CDH13: variants seen among roughly 807,000 people sequenced by gnomAD.
The protein encoded by CDH13 is cadherin-13.
In CDH13, 24 loss-of-function variants were observed where a neutral mutation model predicts 63.8. The observed-to-expected ratio is 0.38, with a 90% CI of 0.27 to 0.53. The LOEUF (loss-of-function observed/expected upper bound fraction) is 0.53. Ranked by LOEUF, CDH13 falls within the 20% of genes least tolerant of loss-of-function variation. The pLI is 0.85. For missense variants in CDH13, 1,049 were observed against 903.1 expected, an observed-to-expected ratio of 1.16 and a Z score of -2.07; for synonymous variants, 503 against 355.3, an observed-to-expected ratio of 1.42 and a Z score of -4.67.
chr16:83,646,553 T>C (rs12444235), intron 8 of CDH13, among the ~76,000 whole-genome samples: 66,649 of 151,518 alleles, frequency 0.44, 14,828 homozygotes, highest in Admixed American at 0.48. Flanking sequence ...ATGTAAAACA[T>C]TAGCTGGGCG....
chr16:82,956,672 C>G (rs961098641), intron 2 of CDH13, among the ~76,000 whole-genome samples: 1 of 152,214 alleles, frequency 6.6e-6, no homozygotes, highest in Admixed American at 6.5e-5. Flanking sequence ...TTACCCACTC[C>G]CTTAGCAGAT....
intron 6 of CDH13, chr16:83,397,277 A>G (rs1343116575): frequency 2.0e-5 from 3 of 152,144 alleles, no homozygotes; most frequent in South Asian, 4.1e-4. Context: ...CACCACCACC[A>G]TTATACTGAA....
intron 5 of CDH13, among the ~76,000 whole-genome samples, chr16:83,272,600 G>A (rs548643998): frequency 1.3e-5 from 2 of 152,216 alleles, no homozygotes; most frequent in East Asian, 1.9e-4. Context: ...TCCTTACTGA[G>A]CTTCAGACCC....
intron 1 of CDH13, among the ~76,000 whole-genome samples, chr16:82,775,189 A>G (rs1422966871): frequency 6.6e-6 from 1 of 152,192 alleles, no homozygotes; most frequent in Non-Finnish European, 1.5e-5. Flanking sequence ...GTTGTGATAG[A>G]GTGAATAGAT....
At chr16:83,692,415 A>G (rs1904998198) in intron 10 of CDH13, among the ~76,000 whole-genome samples, 1 of 152,170 alleles carries the variant, frequency 6.6e-6, no homozygotes, top group Non-Finnish European at 1.5e-5. Context: ...TCCTGCCATC[A>G]TCTGATGACA....
In CDH13 at chr16:83,312,066, CAA is replaced by C. The variant is rs5818437; in HGVS notation, c.637-32777_637-32776del. Among the ~76,000 whole-genome samples the C allele has an allele frequency of 3.1e-4, 29 of 94,924 alleles. No individual in the cohort carries two copies. The East Asian group carries it at 4.3e-3, about 14-fold the overall frequency. The allele number at this position is 94,924 out of a possible 152,430, so 62.3% of individuals were successfully genotyped here. A position where few individuals can be genotyped will look rare whatever the true frequency, so the allele number is the denominator to read the frequency against. On this transcript the variant is annotated intron_variant, in intron 5 of 13. Transcript: ENST00000567109. ...CAGCCTGGGCAATAAAACTCCATCT[CAA>C]AAAAAAAAAAAAAAAAAAGAATCTT...
At chr16:83,031,363 T>C (rs2151472666) in intron 2 of CDH13, among the ~76,000 whole-genome samples, 1 of 111,248 alleles carries the variant, frequency 9.0e-6, no homozygotes, top group South Asian at 3.4e-4. Flanking sequence ...TATATACATG[T>C]ACATGTATAT....
chr16:83,443,890 G>T (rs1279085489), intron 6 of CDH13, among the ~76,000 whole-genome samples: 5 of 146,880 alleles, frequency 3.4e-5, no homozygotes, highest in Non-Finnish European at 7.5e-5. Flanking sequence ...AGCCAAGACT[G>T]CACCACTGCA....
rs75586889 is a variant in CDH13 at position 82,856,984 on chromosome 16, A to C, written c.46-1378A>C. 4.0e-3 allele frequency among the ~76,000 whole-genome samples: 610 copies of C among 152,270 alleles called. 7 individuals carry two copies. The highest frequency in any genetic ancestry group is 0.014 in the African/African-American group (588 of 41,550). On this transcript the variant is annotated intron_variant, in intron 1 of 13. Coordinates refer to ENST00000567109, the MANE Select transcript of CDH13 (RefSeq NM_001257.5). ...CCACTCCCAGGATGTTAATTTCCAA[A>C]CACTCTCTTCTGGCACTATGCTCAG...
At chr16:82,628,788 G>T (rs901697430) in intron 1 of CDH13, among the ~76,000 whole-genome samples, 1 of 152,284 alleles carries the variant, frequency 6.6e-6, no homozygotes, top group South Asian at 2.1e-4. Flanking sequence ...TTAGCAAGGC[G>T]GTTTGGAGCA....
intron 1 of CDH13, among the ~76,000 whole-genome samples, chr16:82,821,203 C>T (rs892924740): frequency 3.3e-5 from 5 of 152,140 alleles, no homozygotes; most frequent in African/African-American, 1.2e-4. Context: ...CATTATTTTT[C>T]TGGTTTTACT....
chr16:83,232,627 C>T (rs915456007), intron 5 of CDH13, among the ~76,000 whole-genome samples: 3 of 152,096 alleles, frequency 2.0e-5, no homozygotes, highest in Non-Finnish European at 1.5e-5. Flanking sequence ...TATACGCCTG[C>T]ATCCCCTTTG....
intron 6 of CDH13, among the ~76,000 whole-genome samples, chr16:83,422,401 T>A (rs189488925): frequency 6.6e-6 from 1 of 152,354 alleles, no homozygotes; most frequent in East Asian, 1.9e-4. Context: ...AACATCCAAT[T>A]CTAAGTTGGA....
At chr16:83,288,816 G>GA (rs2089392269) in intron 5 of CDH13, among the ~76,000 whole-genome samples, 1 of 152,184 alleles carries the variant, frequency 6.6e-6, no homozygotes, top group South Asian at 2.1e-4. Flanking sequence ...GGGTCTGAAT[G>GA]AAAATTAATG....
intron 2 of CDH13, among the ~76,000 whole-genome samples, chr16:82,949,642 G>T (rs1263104374): frequency 6.6e-6 from 1 of 151,966 alleles, no homozygotes; most frequent in Non-Finnish European, 1.5e-5. Flanking sequence ...GAGCTTCTTT[G>T]TTTTCTGCCA....
intron 5 of CDH13, among the ~76,000 whole-genome samples, chr16:83,311,314 G>T (rs1014739958): frequency 6.8e-6 from 1 of 147,140 alleles, no homozygotes; most frequent in Non-Finnish European, 1.5e-5. Context: ...CTGCTTTGCA[G>T]CAAGGAGATT....
At chr16:82,936,566 A>G (rs2042672863) in intron 2 of CDH13, among the ~76,000 whole-genome samples, 1 of 152,182 alleles carries the variant, frequency 6.6e-6, no homozygotes, top group Admixed American at 6.5e-5. Context: ...TTATTAAAAC[A>G]GTAGGCCCCC....
At chr16:83,058,306 C>G (rs1323712019) in intron 3 of CDH13, among the ~76,000 whole-genome samples, 1 of 152,140 alleles carries the variant, frequency 6.6e-6, no homozygotes. Context: ...TAAAGAGGCC[C>G]AGGTAGCAGC....
intron 2 of CDH13, among the ~76,000 whole-genome samples, chr16:82,907,674 C>T (rs530851190): frequency 3.5e-4 from 54 of 152,232 alleles, no homozygotes; most frequent in African/African-American, 1.1e-3. Context: ...TTTCTGTTTC[C>T]AACTGGAGGA....
Sources: gnomAD v4.1 joint callset for allele counts (sites outside exome capture counted in the v4.1 genomes callset) on GRCh38, gnomAD v4.1.1 for gene constraint, MANE v1.5 for transcripts, NCBI Gene and HGNC (gene_info 2026-07-23, HGNC 2026-07-21) for gene names.